ABCC4: variants seen among roughly 807,000 people sequenced by gnomAD.
The protein encoded by ABCC4 is ATP-binding cassette sub-family C member 4.
Under a neutral mutation model 168.5 loss-of-function variants are expected in ABCC4, and 102 were observed. The ratio of observed to expected loss-of-function variants is 0.61; its 90% CI spans 0.52 to 0.71. The LOEUF (loss-of-function observed/expected upper bound fraction) is 0.71. Among genes scored for constraint, ABCC4 ranks in the 30% least tolerant of loss-of-function variants. The probability of loss-of-function intolerance (pLI) is 0.00; values close to 1 mark genes in which losing one functional copy is unlikely to be tolerated. For missense variants in ABCC4, 1,402 were observed against 1,605.8 expected (o/e 0.87, Z 2.17); for synonymous variants, 617 against 590.7 (o/e 1.04, Z -0.65).
At chr13:95,121,741 C>T (rs1353657287) in intron 19 of ABCC4, among the ~76,000 whole-genome samples, 1 of 151,832 alleles carries the variant, frequency 6.6e-6, no homozygotes, top group Non-Finnish European at 1.5e-5. Flanking sequence ...TCTGAGACTG[C>T]CTTGAAGAAT....
chr13:95,075,728 C>CT (rs1291270822), intron 21 of ABCC4, 177 bp from the exon 22 acceptor site: 1 of 712,502 alleles, frequency 1.4e-6, no homozygotes, highest in Non-Finnish European at 2.2e-6. Flanking sequence ...CCACTGGAAT[C>CT]TCAAGCTCCT....
intron 16 of ABCC4, among the ~76,000 whole-genome samples, chr13:95,163,996 G>A (rs1363884231): frequency 5.5e-5 from 8 of 144,454 alleles, no homozygotes; most frequent in Non-Finnish European, 1.0e-4. Flanking sequence ...AGCCAAGATC[G>A]CGCCACTGCA....
intron 20 of ABCC4, among the ~76,000 whole-genome samples, chr13:95,083,675 T>C (rs2034172249): frequency 6.6e-6 from 1 of 151,944 alleles, no homozygotes; most frequent in South Asian, 2.1e-4. Flanking sequence ...TACAGGTGCA[T>C]GTCACCATGC....
rs556389367 is a variant in ABCC4 at position 95,125,493 on chromosome 13, C to T, written c.2456-9492G>A. On this transcript the variant is annotated intron_variant, in intron 19 of 30. Coordinates refer to ENST00000645237, the MANE Select transcript of ABCC4 (RefSeq NM_005845.5). The stretch of plus-strand genomic sequence containing the variant: ...ATAACTCCACCTCAGGATTAAATTA[C>T]ACAAGTTACAGGAGGCCATAACTTG... Among the ~76,000 whole-genome samples, 26 of 152,052 alleles carry T rather than the reference C, an allele frequency of 1.7e-4. 1 individual carries two copies. Among genetic ancestry groups the T allele is most frequent in the African/African-American group, 4.8e-4 (20 of 41,490 alleles).
At chr13:95,197,733 AC>A (rs1372551660) in intron 8 of ABCC4, among the ~76,000 whole-genome samples, 1 of 152,052 alleles carries the variant, frequency 6.6e-6, no homozygotes, top group Non-Finnish European at 1.5e-5. Context: ...GAACAATAAA[AC>A]CTCAGAGACA....
At chr13:95,024,125 T>G (rs1305964350) in intron 30 of ABCC4, among the ~76,000 whole-genome samples, 2 of 148,846 alleles carry the variant, frequency 1.3e-5, no homozygotes, top group African/African-American at 5.0e-5. Context: ...GAGAATCACT[T>G]GAACCCAGGA....
In ABCC4 at chr13:95,172,578, A is replaced by G. The variant is rs1273826113; in HGVS notation, c.1728-1950T>C. Among the ~76,000 whole-genome samples, 5 of 151,512 alleles carry G rather than the reference A, an allele frequency of 3.3e-5. No homozygotes were observed. In the East Asian group the frequency reaches 9.7e-4, roughly 29 times the overall value. On this transcript the variant is annotated intron_variant, in intron 13 of 30. Coordinates refer to ENST00000645237, the MANE Select transcript of ABCC4 (RefSeq NM_005845.5). ...GAGACTCTGCCTCAAAAAGGAAAAA[A>G]AAAAAAAAAAGACAACATTAAGAGC...
At chr13:95,025,370 A>C (rs978621204) in intron 30 of ABCC4, among the ~76,000 whole-genome samples, 11 of 3,030 alleles carry the variant, frequency 3.6e-3, no homozygotes, top group Admixed American at 5.5e-3. Context: ...ACACACCCAC[A>C]CCCCACACAC....
At chr13:95,108,472 C>T (rs1231488936) in intron 20 of ABCC4, among the ~76,000 whole-genome samples, 2 of 151,960 alleles carry the variant, frequency 1.3e-5, no homozygotes, top group South Asian at 2.1e-4. Context: ...GTGGTATTCT[C>T]GTGATAGTGA....
At chr13:95,060,583 TATAAAACTTGAG>T (rs1320656554) in intron 26 of ABCC4, among the ~76,000 whole-genome samples, 1 of 152,226 alleles carries the variant, frequency 6.6e-6, no homozygotes, top group African/African-American at 2.4e-5. Flanking sequence ...ATAACCAAAA[TATAAAACTTGAG>T]AATTTATACT....
chr13:95,290,309 A>G (rs1451724506), intron 1 of ABCC4, among the ~76,000 whole-genome samples: 1 of 152,192 alleles, frequency 6.6e-6, no homozygotes, highest in Non-Finnish European at 1.5e-5. Flanking sequence ...AGAAAAAATA[A>G]AGCTAATAAG....
At chr13:95,061,454 C>T (rs1013660840) in intron 26 of ABCC4, among the ~76,000 whole-genome samples, 5 of 152,164 alleles carry the variant, frequency 3.3e-5, no homozygotes, top group Non-Finnish European at 7.3e-5. Context: ...CATTCTCCTT[C>T]CCTTCCGGTG....
chr13:95,244,019 G>C (rs2040017394), intron 3 of ABCC4, among the ~76,000 whole-genome samples: 1 of 152,162 alleles, frequency 6.6e-6, no homozygotes, highest in Non-Finnish European at 1.5e-5. Context: ...TAGGAACCTA[G>C]GGTAATTTAT....
chr13:95,184,643 G>T (rs1243028999), intron 11 of ABCC4, among the ~76,000 whole-genome samples: 3 of 151,938 alleles, frequency 2.0e-5, no homozygotes, highest in African/African-American at 2.4e-5. Context: ...CAGATTAGTA[G>T]GTAAAGAGCA....
At chr13:95,282,433 G>A (rs971630257) in intron 1 of ABCC4, among the ~76,000 whole-genome samples, 2 of 152,196 alleles carry the variant, frequency 1.3e-5, no homozygotes, top group South Asian at 2.1e-4. Flanking sequence ...AAAGCACTTT[G>A]TTTAATGAAA....
chr13:95,062,657 A>C, intron 26 of ABCC4, 47 bp downstream of exon 26: 2 of 1,532,224 alleles, frequency 1.3e-6, no homozygotes, highest in Non-Finnish European at 1.8e-6. Context: ...AATTAAACAT[A>C]GTAGCTCTTA....
At chr13:95,182,726 A>G (rs1191046397) in intron 11 of ABCC4, among the ~76,000 whole-genome samples, 4 of 152,202 alleles carry the variant, frequency 2.6e-5, no homozygotes, top group Non-Finnish European at 5.9e-5. Context: ...TAAGGTTCAG[A>G]CGATTAGCTA....
chr13:95,108,803 T>G (rs1189634682), intron 20 of ABCC4, among the ~76,000 whole-genome samples: 2 of 152,128 alleles, frequency 1.3e-5, no homozygotes, highest in African/African-American at 4.8e-5. Context: ...GGCATCTCTC[T>G]GCCTGAGGAA....
At chr13:95,183,072 G>A (rs1262604981) in intron 11 of ABCC4, among the ~76,000 whole-genome samples, 1 of 144,536 alleles carries the variant, frequency 6.9e-6, no homozygotes, top group East Asian at 2.0e-4. Flanking sequence ...TTTTCCTCTA[G>A]GACTTTTTTT....
Sources: gnomAD v4.1 joint callset for allele counts (sites outside exome capture counted in the v4.1 genomes callset) on GRCh38, gnomAD v4.1.1 for gene constraint, MANE v1.5 for transcripts, NCBI Gene and HGNC (gene_info 2026-07-23, HGNC 2026-07-21) for gene names.